CCDC14: variants seen among roughly 807,000 people sequenced by gnomAD.
CCDC14 encodes the protein coiled-coil domain containing 14.
CCDC14 carries 71 observed loss-of-function variants against 81.4 expected under a neutral mutation model. The ratio of observed to expected loss-of-function variants is 0.87; its 90% CI spans 0.72 to 1.06. The LOEUF (loss-of-function observed/expected upper bound fraction) is 1.06, where lower values mean the gene tolerates loss of function less well. CCDC14 is among the 50% of genes least tolerant of loss of function. CCDC14 has a pLI of 0.00. For missense variants in CCDC14, 1,046 were observed against 1,047.3 expected, an observed-to-expected ratio of 1.00 and a Z score of 0.02; for synonymous variants, 332 against 364.8, an observed-to-expected ratio of 0.91 and a Z score of 1.03.
intron 12 of CCDC14, among the ~76,000 whole-genome samples, chr3:123,922,897 A>C (rs1051012191): frequency 3.3e-5 from 5 of 152,156 alleles, no homozygotes; most frequent in Non-Finnish European, 4.4e-5. Context: ...AACAAGGCCA[A>C]GTGTTCTTGT....
rs1184863856 is a variant in CCDC14, at chr3:123,955,794, A to G, written c.352+49T>C. On this transcript the variant is annotated intron_variant, in intron 5 of 12. Transcript: ENST00000409697. ...TATAATCCTGATAATTGATCAAAAT[A>G]CCCACAATTAAGGATTATCTTTAAA... 2.8e-6 allele frequency: 4 copies of G among 1,407,858 alleles called. 1 individual carries two copies. Among genetic ancestry groups the G allele is most frequent in the Non-Finnish European group, 3.8e-6 (4 of 1,053,404 alleles). The allele number at this position is 1,407,858 out of a possible 1,614,324, so 87.2% of individuals were successfully genotyped here.
At chr3:123,934,848 T>G (rs1462925336) in intron 9 of CCDC14, among the ~76,000 whole-genome samples, 1 of 152,164 alleles carries the variant, frequency 6.6e-6, no homozygotes, top group Non-Finnish European at 1.5e-5. Context: ...TCGAGTTGAT[T>G]AAAGTGATAA....
the CCDC14 span, among the ~76,000 whole-genome samples, chr3:123,890,820 C>A: frequency 2.9e-4 from 44 of 152,176 alleles, no homozygotes; most frequent in Admixed American, 2.9e-3. Context: ...CTCCACTAGG[C>A]AGTACCCTAG....
At chr3:123,889,693 A>G in the CCDC14 span, among the ~76,000 whole-genome samples, 1 of 152,082 alleles carries the variant, frequency 6.6e-6, no homozygotes, top group Non-Finnish European at 1.5e-5. Flanking sequence ...TGGTGGATCT[A>G]CCATTCTGGG....
chr3:123,921,552 T>C (rs1480463517), intron 12 of CCDC14, among the ~76,000 whole-genome samples: 14 of 152,142 alleles, frequency 9.2e-5, no homozygotes, highest in Admixed American at 9.2e-4. Flanking sequence ...AGAGACAGAC[T>C]GAGTGGGGGA....
intron 5 of CCDC14, among the ~76,000 whole-genome samples, chr3:123,906,452 AG>A (rs1201231117): frequency 6.6e-6 from 1 of 151,828 alleles, no homozygotes; most frequent in Non-Finnish European, 1.5e-5. Flanking sequence ...GAGACATGAA[AG>A]TTTCAAATGG....
chr3:123,952,264 G>A (rs758388597), intron 5 of CCDC14, among the ~76,000 whole-genome samples: 1 of 152,130 alleles, frequency 6.6e-6, no homozygotes, highest in African/African-American at 2.4e-5. Flanking sequence ...CCTGCCACTC[G>A]AATATAGAAC....
intron 9 of CCDC14, among the ~76,000 whole-genome samples, chr3:123,943,338 G>C (rs1262885916): frequency 2.0e-5 from 3 of 151,958 alleles, no homozygotes; most frequent in Non-Finnish European, 4.4e-5. Flanking sequence ...TTAATATTCA[G>C]GTACTTTAGG....
intron 1 of CCDC14, 175 bp from the exon 2 acceptor site, chr3:123,956,970 T>C: frequency 2.3e-6 from 1 of 437,460 alleles, no homozygotes; most frequent in Non-Finnish European, 4.0e-6. Flanking sequence ...CTAGCAACTA[T>C]CATCCTAGTT....
At chr3:123,924,954 TACAC>T (rs67990689) in intron 12 of CCDC14, among the ~76,000 whole-genome samples, 80 of 147,366 alleles carry the variant, frequency 5.4e-4, no homozygotes, top group Admixed American at 1.6e-3. Context: ...TATACATATA[TACAC>T]ACACACACAC....
the CCDC14 span, among the ~76,000 whole-genome samples, chr3:123,890,560 G>T: frequency 1.3e-5 from 2 of 152,200 alleles, no homozygotes; most frequent in Non-Finnish European, 2.9e-5. Flanking sequence ...ATCCAGCAGG[G>T]CAGTCAAATC....
chr3:123,908,014 T>A lies in CCDC14; in HGVS notation c.668-10401A>T, dbSNP rs189853069. Among the ~76,000 whole-genome samples the A allele has an allele frequency of 8.5e-4, 129 of 152,104 alleles. 3 individuals carry two copies. The highest frequency in any genetic ancestry group is 3.1e-4 in the Non-Finnish European group (21 of 68,016). On this transcript the variant is annotated intron_variant, in intron 5 of 5. Transcript: ENST00000479903. ...AAGAACCAGTGTAAATTATTTAATT[T>A]AAATGTGAGGGTAAAAGAAAAATGT...
chr3:123,891,861 T>C, the CCDC14 span, among the ~76,000 whole-genome samples: 204 of 152,288 alleles, frequency 1.3e-3, 1 homozygote, highest in Middle Eastern at 3.4e-3. Flanking sequence ...TTCACAATGC[T>C]AATATGCTAA....
intron 8 of CCDC14, 38 bp from the exon 9 acceptor site, chr3:123,945,028 T>C: frequency 6.8e-7 from 1 of 1,461,638 alleles, no homozygotes; most frequent in Non-Finnish European, 9.3e-7. Flanking sequence ...ATCAATATTA[T>C]ATTTTTGGAC....
intron 9 of CCDC14, among the ~76,000 whole-genome samples, chr3:123,944,146 G>C (rs2036504721): frequency 6.6e-6 from 1 of 152,094 alleles, no homozygotes; most frequent in Admixed American, 6.6e-5. Flanking sequence ...ACTGGTGTCT[G>C]TTGCAGAACT....
chr3:123,944,203 A>G (rs926316142), intron 9 of CCDC14, among the ~76,000 whole-genome samples: 1 of 152,130 alleles, frequency 6.6e-6, no homozygotes, highest in Non-Finnish European at 1.5e-5. Flanking sequence ...ATTTGGTCAT[A>G]TAAGTGTTCT....
intron 5 of CCDC14, chr3:123,952,653 A>G (rs1318990560): frequency 1.9e-6 from 1 of 525,538 alleles, no homozygotes; most frequent in African/African-American, 1.9e-5. Context: ...CATCCCAGAT[A>G]GAAAGTACAT....
At chr3:123,904,132 C>G (rs1170086120) in intron 5 of CCDC14, among the ~76,000 whole-genome samples, 1 of 152,110 alleles carries the variant, frequency 6.6e-6, no homozygotes, top group Non-Finnish European at 1.5e-5. Context: ...GGAATACTAA[C>G]TAGCCATTGA....
At chr3:123,959,929 G>C (rs913313656) in intron 1 of CCDC14, among the ~76,000 whole-genome samples, 7 of 151,612 alleles carry the variant, frequency 4.6e-5, no homozygotes, top group African/African-American at 9.7e-5. Flanking sequence ...TAATGGTCTT[G>C]GTTTGCTTCA....
Sources: gnomAD v4.1 joint callset for allele counts (sites outside exome capture counted in the v4.1 genomes callset) on GRCh38, gnomAD v4.1.1 for gene constraint, MANE v1.5 for transcripts, NCBI Gene and HGNC (gene_info 2026-07-23, HGNC 2026-07-21) for gene names.